LIN37: variants seen among roughly 807,000 people sequenced by gnomAD.
LIN37 encodes the protein lin-37 DREAM MuvB core complex component, also known as protein lin-37 homolog.
A neutral mutation model predicts 38.0 loss-of-function variants in LIN37; 21 were observed. The ratio of observed to expected loss-of-function variants is 0.55; its 90% CI spans 0.39 to 0.80. The LOEUF (loss-of-function observed/expected upper bound fraction) is 0.80. LIN37 is among the 30% of genes least tolerant of loss of function. The pLI, the probability that LIN37 is intolerant of heterozygous loss-of-function variation, is 0.00. For synonymous variants in LIN37, 126 were observed against 122.9 expected, an observed-to-expected ratio of 1.03 and a Z score of -0.17; for missense variants, 273 against 338.5, an observed-to-expected ratio of 0.81 and a Z score of 1.52.
Position 35,752,469 on chromosome 19 carries a change from C to T in LIN37, c.146C>T (p.Ser49Leu), listed in dbSNP as rs760905984. The change falls in exon 3 of 9, where the codon TCA becomes TTA. Residue 49 changes from serine to leucine, a missense_variant. By Grantham distance (145) the Ser-to-Leu change is moderately radical. Coordinates refer to ENST00000301159, the MANE Select transcript of LIN37 (RefSeq NM_019104.3). The part of the protein sequence containing the change: ...RLDEEAGKTP[S>L]DTHNKDCSIA... ...GATGAGGAAGCTGGGAAAACACCCT[C>T]AGACACCCACAATAAGTGAGTTTTT... 1 of 1,613,978 alleles carries T rather than the reference C, an allele frequency of 6.2e-7. No individual in the cohort carries two copies.
chr19:35,752,856 A>G, intron 4 of LIN37, 23 bp downstream of exon 4: 1 of 1,602,750 alleles, frequency 6.2e-7, no homozygotes, highest in South Asian at 1.1e-5. Context: ...GGTCCCAGCC[A>G]GCTGACTAGA....
At chr19:35,751,455 GC>G (rs1245675985) in intron 1 of LIN37, among the ~76,000 whole-genome samples, 2 of 152,204 alleles carry the variant, frequency 1.3e-5, no homozygotes, top group African/African-American at 2.4e-5. Flanking sequence ...CATCAGCTCT[GC>G]AATTTCTTTG....
intron 1 of LIN37, among the ~76,000 whole-genome samples, chr19:35,749,804 C>CA (rs756915934): frequency 0.37 from 31,814 of 86,630 alleles, 4,457 homozygotes; most frequent in African/African-American, 0.51. Flanking sequence ...GACCCTGTCT[C>CA]AAAAAAAAAA....
At chr19:35,751,660 T>G (rs142889553) in intron 1 of LIN37, among the ~76,000 whole-genome samples, 3 of 151,968 alleles carry the variant, frequency 2.0e-5, no homozygotes, top group African/African-American at 7.3e-5. Flanking sequence ...GATATCCTTT[T>G]TCAAGAAAAA....
In LIN37 at chr19:35,752,931, C is replaced by T. The variant is rs1970699365; in HGVS notation, c.209C>T (p.Pro70Leu). 2 of 1,574,690 alleles carry T rather than the reference C, an allele frequency of 1.3e-6. No individual in the cohort carries two copies. The highest frequency in any genetic ancestry group is 1.7e-6 in the Non-Finnish European group (2 of 1,159,820). ...ATGKRPSARF[P>L]HQRRKKRREM... Reference sequence around the variant, plus strand: ...CTACGCAGGCCATCTGCCCGCTTCCCCCACCAGCGGAGGAAGAAGAGGAGG... The same window carrying T: ...CTACGCAGGCCATCTGCCCGCTTCCTCCACCAGCGGAGGAAGAAGAGGAGG... The change falls in exon 5 of 9, where the codon CCC becomes CTC. Residue 70 changes from proline to leucine, a missense_variant. Pro to Leu is a moderately conservative substitution (Grantham distance 98). Coordinates refer to ENST00000301159, the MANE Select transcript of LIN37 (RefSeq NM_019104.3).
In LIN37 at chr19:35,753,106, G is replaced by A. The variant is rs1334028789; in HGVS notation, c.297G>A (p.Leu99=). 6.2e-7 allele frequency: 1 copy of A among 1,606,670 alleles called. No individual in the cohort carries two copies. The highest frequency in any genetic ancestry group is 1.3e-5 in the African/African-American group (1 of 74,848). The change falls in exon 6 of 9, where the codon CTG becomes CTA. Residue 99 remains leucine, a synonymous_variant. Transcript: ENST00000301159. The stretch of plus-strand genomic sequence containing the variant: ...TCCCAGACACATATGTGATCAAGCT[G>A]TTCGACCGGAGCGTGGACTTGGCCC... ...PQRSNTYVIK[L]FDRSVDLAQF... is the part of the protein sequence containing the mutation.
chr19:35,752,281 C>G, intron 2 of LIN37, 30 bp downstream of exon 2: 1 of 1,593,424 alleles, frequency 6.3e-7, no homozygotes, highest in South Asian at 1.1e-5. Flanking sequence ...CAGGGCCGGG[C>G]ACCCTGGTGG....
chr19:35,752,558 G>T, intron 3 of LIN37, 74 bp downstream of exon 3: 1 of 1,487,316 alleles, frequency 6.7e-7, no homozygotes, highest in East Asian at 2.3e-5. Flanking sequence ...AGCCCTGACC[G>T]CTCAGCCCAG....
At position 35,752,544 on chromosome 19, in the gene LIN37, T is replaced by A. The variant is rs369288832; in HGVS notation, c.161+60T>A. 1.0e-5 allele frequency: 16 copies of A among 1,572,422 alleles called. No individual in the cohort carries two copies. The African/African-American group carries it at 2.0e-4, about 20-fold the overall frequency. ...TCGTGGTTGGTAACTTCTTTCCTTA[T>A]CCAAGCCCTGACCGCTCAGCCCAGC... On this transcript the variant is annotated intron_variant, in intron 3 of 8. Coordinates refer to ENST00000301159, the MANE Select transcript of LIN37 (RefSeq NM_019104.3).
intron 1 of LIN37, 46 bp from the exon 2 acceptor site, chr19:35,752,130 G>T: frequency 6.8e-7 from 1 of 1,473,156 alleles, no homozygotes; most frequent in Non-Finnish European, 9.3e-7. Context: ...TGCCCACCTA[G>T]CTGGGGCCTG....
intron 1 of LIN37, among the ~76,000 whole-genome samples, chr19:35,749,611 T>C (rs1263337271): frequency 6.9e-6 from 1 of 144,646 alleles, no homozygotes; most frequent in African/African-American, 2.6e-5. Context: ...CTGGGCAACA[T>C]AGCGAAACGC....
chr19:35,753,050 A>G, intron 5 of LIN37, 37 bp from the exon 6 acceptor site: 11 of 1,592,832 alleles, frequency 6.9e-6, no homozygotes, highest in Non-Finnish European at 8.6e-6. Flanking sequence ...GGGCCTATGC[A>G]AGGATGCTCA....
In LIN37 at chr19:35,752,463, C is replaced by T. The variant is rs937593176; in HGVS notation, c.140C>T (p.Thr47Ile). The change falls in exon 3 of 9, where the codon ACA becomes ATA. Residue 47 changes from threonine to isoleucine, a missense_variant. Physicochemically the swap from Thr to Ile is moderately conservative, Grantham distance 89. Coordinates refer to ENST00000301159, the MANE Select transcript of LIN37 (RefSeq NM_019104.3). Reference protein sequence around the residue: ...RERLDEEAGKTPSDTHNKDCS... With the variant: ...RERLDEEAGKIPSDTHNKDCS... Reference sequence around the variant, plus strand: ...CGTCTGGATGAGGAAGCTGGGAAAACACCCTCAGACACCCACAATAAGTGA... The same window carrying T: ...CGTCTGGATGAGGAAGCTGGGAAAATACCCTCAGACACCCACAATAAGTGA... 1 of 1,613,990 alleles carries T rather than the reference C, an allele frequency of 6.2e-7. No individual in the cohort carries two copies. Among genetic ancestry groups the T allele is most frequent in the East Asian group, 2.2e-5 (1 of 44,870 alleles).
intron 6 of LIN37, chr19:35,753,707 GAGC>G: frequency 1.9e-6 from 1 of 526,360 alleles, no homozygotes; most frequent in East Asian, 3.3e-5. Flanking sequence ...GAAATGGACA[GAGC>G]TTCCTAGGTG....
At chr19:35,752,879 C>T (rs1478170502) in intron 4 of LIN37, 35 bp from the exon 5 acceptor site, 1 of 1,594,706 alleles carries the variant, frequency 6.3e-7, no homozygotes, top group Non-Finnish European at 8.5e-7. Flanking sequence ...CTCCCAGCTC[C>T]TACCCCAGTC....
intron 1 of LIN37, among the ~76,000 whole-genome samples, chr19:35,751,464 T>C (rs1328154053): frequency 6.6e-6 from 1 of 152,256 alleles, no homozygotes; most frequent in Non-Finnish European, 1.5e-5. Context: ...TGCAATTTCT[T>C]TGCTGTGTGC....
intron 6 of LIN37, chr19:35,753,651 TC>T (rs1970711883): frequency 2.1e-6 from 1 of 487,798 alleles, no homozygotes; most frequent in East Asian, 3.8e-5. Flanking sequence ...TAGACAAGGG[TC>T]CCCAGGACAG....
At chr19:35,749,235 C>T (rs1472838015) in intron 1 of LIN37, among the ~76,000 whole-genome samples, 1 of 152,110 alleles carries the variant, frequency 6.6e-6, no homozygotes, top group East Asian at 1.9e-4. Flanking sequence ...TTCCCCATTT[C>T]CAGCAGTGAT....
rs758497685 is a variant in LIN37 at position 35,754,089 on chromosome 19, G to A, written c.517G>A (p.Gly173Arg). The A allele has an allele frequency of 8.7e-6, 14 of 1,613,850 alleles. No homozygotes were observed. Among genetic ancestry groups the A allele is most frequent in the Admixed American group, 3.3e-5 (2 of 60,012 alleles). ...LPPPTPPGPP[G>R]DACRSRIPSP... ...GCCACCCACACCCCCGGGGCCACCC[G>A]GAGATGCCTGCAGATCCCGCATCCC... is the stretch of plus-strand genomic sequence containing the variant. The change falls in exon 7 of 9, where the codon GGA (glycine) becomes AGA (arginine). Residue 173 changes from glycine (G) to arginine (R), a missense_variant. Coordinates refer to ENST00000301159, the MANE Select transcript of LIN37 (RefSeq NM_019104.3).
Sources: gnomAD v4.1 joint callset for allele counts (sites outside exome capture counted in the v4.1 genomes callset) on GRCh38, gnomAD v4.1.1 for gene constraint, MANE v1.5 for transcripts, NCBI Gene and HGNC (gene_info 2026-07-23, HGNC 2026-07-21) for gene names.